Variants in HORMAD2 observed in about 807,000 individuals in gnomAD.
The protein encoded by HORMAD2 is HORMA domain-containing protein 2.
In HORMAD2, 45 loss-of-function variants were observed where a neutral mutation model predicts 38.8. The ratio of observed to expected loss-of-function variants is 1.16; its 90% CI spans 0.91 to 1.49. HORMAD2 has a LOEUF of 1.49. Among genes scored for constraint, HORMAD2 ranks in the 40% most tolerant of loss-of-function variants. HORMAD2 has a pLI of 0.00. For synonymous variants in HORMAD2, 126 were observed against 122.8 expected, an observed-to-expected ratio of 1.03 and a Z score of -0.17; for missense variants, 338 against 367.0, an observed-to-expected ratio of 0.92 and a Z score of 0.65.
At chr22:30,086,099 TA>T (rs1333436507) in intron 1 of HORMAD2, among the ~76,000 whole-genome samples, 1 of 152,170 alleles carries the variant, frequency 6.6e-6, no homozygotes, top group Non-Finnish European at 1.5e-5. Context: ...TTCTTGTAAT[TA>T]TGAGTTCTCA....
chr22:30,098,876 A>T lies in HORMAD2; in HGVS notation c.76A>T (p.Thr26Ser), dbSNP rs1053803380. 3 of 1,612,352 alleles carry T rather than the reference A, an allele frequency of 1.9e-6. No homozygotes were observed. Among genetic ancestry groups the T allele is most frequent in the Non-Finnish European group, 2.5e-6 (3 of 1,179,210 alleles). The change falls in exon 3 of 11, where the codon ACT becomes TCT. Residue 26 changes from threonine (T) to serine (S), a missense_variant. Transcript: ENST00000336726. ...GGAAACAGTTTTCCCATCCCAAATCACTAATGAGCATGAGTCATTGAAAAT... is the reference window on the plus strand; with the variant it reads ...GGAAACAGTTTTCCCATCCCAAATCTCTAATGAGCATGAGTCATTGAAAAT... ...SKETVFPSQI[T>S]NEHESLKMVK... is the part of the protein sequence containing the mutation.
At chr22:30,132,150 A>G (rs1346974978) in intron 10 of HORMAD2, among the ~76,000 whole-genome samples, 7 of 152,214 alleles carry the variant, frequency 4.6e-5, no homozygotes, top group Non-Finnish European at 7.3e-5. Context: ...TCATAGCATC[A>G]CATCTCCTGA....
chr22:30,123,360 G>T (rs1190223006), intron 10 of HORMAD2, among the ~76,000 whole-genome samples: 1 of 152,008 alleles, frequency 6.6e-6, no homozygotes, highest in African/African-American at 2.4e-5. Context: ...TTTGAGACAG[G>T]GTCTCGCTCT....
chr22:30,137,862 T>A (rs1301981900), intron 10 of HORMAD2, among the ~76,000 whole-genome samples: 1 of 152,232 alleles, frequency 6.6e-6, no homozygotes, highest in East Asian at 1.9e-4. Context: ...CTATTGTGAA[T>A]AATGCTGCTA....
chr22:30,104,341 T>G (rs1921026585), intron 4 of HORMAD2, 60 bp from the exon 5 acceptor site: 1 of 1,369,070 alleles, frequency 7.3e-7, no homozygotes, highest in Non-Finnish European at 1.0e-6. Flanking sequence ...AATTCTGTAC[T>G]TGGAATTTTT....
At chr22:30,121,473 C>T (rs1922423419) in intron 8 of HORMAD2, among the ~76,000 whole-genome samples, 159 bp from the exon 9 acceptor site, 1 of 152,054 alleles carries the variant, frequency 6.6e-6, no homozygotes, top group Non-Finnish European at 1.5e-5. Flanking sequence ...ATATACATTG[C>T]AAAAAGTACC....
chr22:30,108,900 CT>C (rs1164434478), intron 5 of HORMAD2, among the ~76,000 whole-genome samples: 9 of 151,658 alleles, frequency 5.9e-5, no homozygotes, highest in African/African-American at 2.2e-4. Flanking sequence ...TTTCTTTTCT[CT>C]TTCTTTCTCT....
At chr22:30,082,841 C>T (rs532147441) in intron 1 of HORMAD2, among the ~76,000 whole-genome samples, 1 of 148,484 alleles carries the variant, frequency 6.7e-6, no homozygotes, top group South Asian at 2.2e-4. Context: ...GAATACACAA[C>T]AACAAAAAAA....
chr22:30,100,634 C>T (rs1314799341), intron 3 of HORMAD2, among the ~76,000 whole-genome samples: 1 of 152,148 alleles, frequency 6.6e-6, no homozygotes, highest in Non-Finnish European at 1.5e-5. Flanking sequence ...AAATTGTCAT[C>T]AGAGTGAACA....
chr22:30,148,424 G>T (rs969488227), intron 10 of HORMAD2, among the ~76,000 whole-genome samples: 1 of 152,082 alleles, frequency 6.6e-6, no homozygotes, highest in Non-Finnish European at 1.5e-5. Context: ...TTTTTAGGGT[G>T]ATGAGATGTT....
intron 10 of HORMAD2, among the ~76,000 whole-genome samples, chr22:30,152,052 T>C (rs769189443): frequency 5.3e-5 from 8 of 152,170 alleles, no homozygotes; most frequent in Non-Finnish European, 1.2e-4. Context: ...CTATTTGCTG[T>C]ACCCCCCTTA....
intron 3 of HORMAD2, 145 bp from the exon 4 acceptor site, chr22:30,103,292 A>T: frequency 1.7e-6 from 1 of 592,726 alleles, no homozygotes; most frequent in Non-Finnish European, 3.0e-6. Flanking sequence ...GTAGATGTTT[A>T]GAGATCCAAA....
intron 10 of HORMAD2, among the ~76,000 whole-genome samples, chr22:30,170,720 C>A (rs1473389992): frequency 6.6e-6 from 1 of 152,204 alleles, no homozygotes; most frequent in African/African-American, 2.4e-5. Flanking sequence ...TCCTTCAATA[C>A]CCAGCTCAAT....
At chr22:30,205,964 C>A in the HORMAD2 span, among the ~76,000 whole-genome samples, 1 of 152,158 alleles carries the variant, frequency 6.6e-6, no homozygotes, top group Non-Finnish European at 1.5e-5. Context: ...GATGATGACA[C>A]ACTCGCCTGC....
chr22:30,145,470 T>A (rs149068370), intron 10 of HORMAD2, among the ~76,000 whole-genome samples: 1 of 152,154 alleles, frequency 6.6e-6, no homozygotes, highest in East Asian at 1.9e-4. Flanking sequence ...AAGGAAAACA[T>A]CAATATAATG....
intron 10 of HORMAD2, among the ~76,000 whole-genome samples, chr22:30,153,579 C>T (rs1360258721): frequency 6.6e-6 from 1 of 152,158 alleles, no homozygotes; most frequent in Non-Finnish European, 1.5e-5. Context: ...TTTCCATTGG[C>T]CCAAATCATA....
chr22:30,206,194 T>A, the HORMAD2 span, among the ~76,000 whole-genome samples: 2 of 151,566 alleles, frequency 1.3e-5, no homozygotes, highest in African/African-American at 2.4e-5. Context: ...TGAGATGGAG[T>A]CTTGCTCTGT....
intron 10 of HORMAD2, among the ~76,000 whole-genome samples, chr22:30,127,257 G>GGAGT (rs1401078201): frequency 2.4e-4 from 31 of 129,670 alleles, no homozygotes; most frequent in Non-Finnish European, 4.8e-4. Context: ...CGCCCAGGCT[G>GGAGT]GAGTGCAGTG....
At chr22:30,130,653 C>T (rs1435066232) in intron 10 of HORMAD2, among the ~76,000 whole-genome samples, 10 of 145,416 alleles carry the variant, frequency 6.9e-5, no homozygotes, top group Non-Finnish European at 1.0e-4. Flanking sequence ...GGCAGTGACG[C>T]GATCTCGGCT....
Sources: allele counts gnomAD v4.1 joint callset (sites outside exome capture counted in the v4.1 genomes callset), GRCh38; gene constraint gnomAD v4.1.1; transcripts MANE v1.5; gene names NCBI Gene and HGNC (gene_info 2026-07-23, HGNC 2026-07-21).